COL16A1: variants seen among roughly 807,000 people sequenced by gnomAD.
COL16A1 encodes collagen alpha-1(XVI) chain.
COL16A1 carries 189 observed loss-of-function variants against 266.3 expected under a neutral mutation model. The ratio of observed to expected loss-of-function variants is 0.71; its 90% CI spans 0.63 to 0.80. The LOEUF (loss-of-function observed/expected upper bound fraction) is 0.80, where lower values mean the gene tolerates loss of function less well. Ranked by LOEUF, COL16A1 falls within the 30% of genes least tolerant of loss-of-function variation. COL16A1 has a pLI of 0.00. For missense variants in COL16A1, 1,928 were observed against 2,122.4 expected (o/e 0.91, Z 1.80); for synonymous variants, 740 against 782.3 (o/e 0.95, Z 0.90).
In COL16A1 at chr1:31,652,594, T is replaced by TA; in HGVS notation, c.*56dup. On this transcript the variant is annotated 3_prime_UTR_variant, in exon 71 of 71. Transcript: ENST00000373672. This position sits in a 1 kb window ranked among gnomAD's most constrained non-coding sequence, Gnocchi z 4.8. ...ATTCACAACCTGTCACAGAGTCCTATAAGCTTTGGCCATTTATTCCCAACG... is the reference window on the plus strand; with the variant it reads ...ATTCACAACCTGTCACAGAGTCCTATAAAGCTTTGGCCATTTATTCCCAACG... The TA allele has an allele frequency of 6.7e-7, 1 of 1,491,496 alleles. No homozygotes were observed. Among genetic ancestry groups the TA allele is most frequent in the Non-Finnish European group, 8.9e-7 (1 of 1,120,176 alleles). The allele number at this position is 1,491,496 out of a possible 1,614,324, so 92.4% of individuals were successfully genotyped here. A position where few individuals can be genotyped will look rare whatever the true frequency, so the allele number is the denominator to read the frequency against.
Position 31,668,288 on chromosome 1 carries a change from T to C in COL16A1, c.3250-70A>G. On this transcript the variant is annotated intron_variant, in intron 50 of 70. Coordinates refer to ENST00000373672, the MANE Select transcript of COL16A1 (RefSeq NM_001856.4). The surrounding 1 kb of genome is among the most constrained non-coding windows in gnomAD (Gnocchi z 5.8). ...GTTCTCCCCTCGCTGGGTAAGAGGA[T>C]GGCCAAAGCTAAAACCTCTGGGGCT... The C allele has an allele frequency of 2.0e-6, 3 of 1,531,908 alleles. No individual in the cohort carries two copies. The South Asian group carries it at 3.4e-5, about 17-fold the overall frequency. 94.9% of individuals were successfully genotyped at this position (1,531,908 alleles called of 1,614,324 possible).
chr1:31,668,830 G>C lies in COL16A1; in HGVS notation c.3221C>G (p.Thr1074Arg). The C allele has an allele frequency of 1.9e-6, 3 of 1,613,706 alleles. No individual in the cohort carries two copies. The highest frequency in any genetic ancestry group is 2.5e-6 in the Non-Finnish European group (3 of 1,179,898). Residue 1074 changes from threonine (T) to arginine (R), a missense_variant, in exon 50 of 71, where the codon ACG (threonine) becomes AGG (arginine). By Grantham distance (71) the Thr-to-Arg change is moderately conservative. Transcript: ENST00000373672. The surrounding 1 kb of genome is among the most constrained non-coding windows in gnomAD (Gnocchi z 5.8). ...CTCCCCCTTGTCTCCAGTCAGGCCC[G>C]TGAGACCTCGCTCTCCTTGAAGGCC... is the stretch of plus-strand genomic sequence containing the variant. ...LPGLQGERGL[T>R]GLTGDKGEPG...
Position 31,672,757 on chromosome 1 carries a change from G to GC in COL16A1, c.2942_2943insG (p.Ile981MetfsTer28). On this transcript the variant is annotated frameshift_variant, in exon 45 of 71. Transcript: ENST00000373672. LOFTEE classifies it high-confidence loss of function. ...AGTTGTCGAGGCCTGGCACACCAGG[G>GC]ATGCCCTGGTCTCCCTTCTCTCCCT... 1 of 1,614,174 alleles carries GC rather than the reference G, an allele frequency of 6.2e-7. No homozygotes were observed. Among genetic ancestry groups the GC allele is most frequent in the Non-Finnish European group, 8.5e-7 (1 of 1,179,992 alleles).
In COL16A1 at chr1:31,699,721, C is replaced by A. The variant is rs1238943094; in HGVS notation, c.266+92G>T. 1.1e-5 allele frequency: 9 copies of A among 839,572 alleles called. No homozygotes were observed. In the African/African-American group the frequency reaches 1.5e-4, roughly 14 times the overall value. 52.0% of individuals were successfully genotyped at this position (839,572 alleles called of 1,614,324 possible). On this transcript the variant is annotated intron_variant, in intron 4 of 70. Transcript: ENST00000373672. ...GGGCTGGGATGCAATGACCCACAGA[C>A]AGGCCCCTGGGCTTAAGCCCCACAT...
At chr1:31,662,952 T>G (rs1641823118) in intron 56 of COL16A1, 7 of 517,840 alleles carry the variant, frequency 1.4e-5, no homozygotes, top group Non-Finnish European at 2.4e-5. Context: ...CTCAGTAGCA[T>G]GTGCTGAACT....
In COL16A1 at chr1:31,683,625, T is replaced by C. The variant is rs1003172991; in HGVS notation, c.2379+82A>G. 17 of 1,611,884 alleles carry C rather than the reference T, an allele frequency of 1.1e-5. No homozygotes were observed. In the Admixed American group the frequency reaches 2.5e-4, roughly 24 times the overall value. ...GTGCCTCTGGGGGCAGGCAGAGCCC[T>C]GAAGTTTGGGAGTGGATGGAAGTAG... On this transcript the variant is annotated intron_variant, in intron 34 of 70. Coordinates refer to ENST00000373672, the MANE Select transcript of COL16A1 (RefSeq NM_001856.4).
intron 64 of COL16A1, 43 bp downstream of exon 64, chr1:31,658,445 G>T: frequency 1.3e-6 from 2 of 1,508,972 alleles, no homozygotes; most frequent in Non-Finnish European, 1.8e-6. Context: ...TGAGCCAATT[G>T]ACTCTTTCCC....
At chr1:31,690,235 G>T in intron 22 of COL16A1, 132 bp downstream of exon 22, 1 of 1,404,856 alleles carries the variant, frequency 7.1e-7, no homozygotes, top group Non-Finnish European at 9.7e-7. Flanking sequence ...ATGGACATCA[G>T]AGGAAGAACG....
rs1279820828 is a variant in COL16A1 at position 31,698,415 on chromosome 1, A to G, written c.390+68T>C. On this transcript the variant is annotated intron_variant, in intron 5 of 70. Transcript: ENST00000373672. This position sits in a 1 kb window ranked among gnomAD's most constrained non-coding sequence, Gnocchi z 4.1. ...GAGACCCCAGAAGTCACAAGCCGGG[A>G]TGAAAGGTGGGCTGGACTGGTGCTA... 1.3e-6 allele frequency: 2 copies of G among 1,599,564 alleles called. No individual in the cohort carries two copies. The highest frequency in any genetic ancestry group is 1.7e-5 in the Admixed American group (1 of 59,290).
intron 56 of COL16A1, chr1:31,662,862 C>T (rs1229541718): frequency 3.3e-6 from 2 of 604,414 alleles, no homozygotes; most frequent in East Asian, 5.5e-5. Context: ...ATCTGCAAAG[C>T]ATCCCCTTTC....
intron 23 of COL16A1, chr1:31,689,415 C>G (rs974891586): frequency 1.1e-4 from 64 of 563,796 alleles, no homozygotes; most frequent in Non-Finnish European, 1.9e-5. Flanking sequence ...CACTCCTTTC[C>G]TCCACCCCCA....
chr1:31,689,336 T>G, intron 23 of COL16A1: 1 of 620,840 alleles, frequency 1.6e-6, no homozygotes, highest in South Asian at 2.1e-5. Context: ...AATCACCTTT[T>G]TGTCTGACAG....
At position 31,656,212 on chromosome 1, in the gene COL16A1, TC is replaced by T. The variant is rs917456933; in HGVS notation, c.4101+187del. On this transcript the variant is annotated intron_variant, in intron 66 of 70. Transcript: ENST00000373672. This position sits in a 1 kb window ranked among gnomAD's most constrained non-coding sequence, Gnocchi z 4.2. Reference sequence around the variant, plus strand: ...TGAGTAAATGAACTGGAGATTTCCTTCCCCCCAACCACAGCTAATGACCCCA... The same window carrying T: ...TGAGTAAATGAACTGGAGATTTCCTTCCCCCAACCACAGCTAATGACCCCA... 41 of 861,638 alleles carry T rather than the reference TC, an allele frequency of 4.8e-5. No individual in the cohort carries two copies. In the African/African-American group the frequency reaches 7.1e-4, roughly 15 times the overall value. 53.4% of individuals were successfully genotyped at this position (861,638 alleles called of 1,614,324 possible).
chr1:31,668,179 G>A lies in COL16A1; in HGVS notation c.3289C>T (p.Pro1097Ser), dbSNP rs900312207. 2 of 1,612,770 alleles carry A rather than the reference G, an allele frequency of 1.2e-6. No individual in the cohort carries two copies. The highest frequency in any genetic ancestry group is 1.7e-6 in the Non-Finnish European group (2 of 1,179,368). Residue 1097 changes from proline to serine, a missense_variant, in exon 51 of 71, where the codon CCC becomes TCC. Transcript: ENST00000373672. The surrounding 1 kb of genome is among the most constrained non-coding windows in gnomAD (Gnocchi z 5.8). Reference protein sequence around the residue: ...GQPGYPGATGPPGLPGIKGER... With the variant: ...GQPGYPGATGSPGLPGIKGER... ...CCCTTACTCACAGGCAGTCCTGGGGGGCCCGTGGCACCTGGGTAACCTGGT... is the reference window on the plus strand; with the variant it reads ...CCCTTACTCACAGGCAGTCCTGGGGAGCCCGTGGCACCTGGGTAACCTGGT...
At chr1:31,665,125 C>A in intron 56 of COL16A1, 47 bp downstream of exon 56, 1 of 1,595,880 alleles carries the variant, frequency 6.3e-7, no homozygotes, top group African/African-American at 1.4e-5. Context: ...GGCATGGGAG[C>A]TGCATGGCTC....
At position 31,702,246 on chromosome 1, in the gene COL16A1, G is replaced by A. The variant is rs187867172; in HGVS notation, c.-34-19C>T. 3.4e-4 allele frequency: 552 copies of A among 1,611,948 alleles called. No individual in the cohort carries two copies. In the African/African-American group the frequency reaches 6.5e-3, roughly 19 times the overall value. On this transcript the variant is annotated intron_variant, in intron 1 of 70. Transcript: ENST00000373672. The stretch of plus-strand genomic sequence containing the variant: ...ACAGCACCTGAAAACCACAGAGACC[G>A]GGAAGGCGGATTTCTGAGTTCACAC...
chr1:31,687,078 C>A (rs1644013527), intron 26 of COL16A1, among the ~76,000 whole-genome samples: 2 of 152,144 alleles, frequency 1.3e-5, no homozygotes, highest in Non-Finnish European at 2.9e-5. Flanking sequence ...TTCTACAAAG[C>A]CACATTAAAC....
chr1:31,653,695 A>T lies in COL16A1; in HGVS notation c.4535-19T>A, dbSNP rs1204579432. On this transcript the variant is annotated intron_variant, in intron 69 of 70. Coordinates refer to ENST00000373672, the MANE Select transcript of COL16A1 (RefSeq NM_001856.4). ...GGCAATCCTGGAACAAAAGAAATAA[A>T]TAAGTCCTATCCCTGAGCAGAAAAA... 2 of 1,610,862 alleles carry T rather than the reference A, an allele frequency of 1.2e-6. No individual in the cohort carries two copies. Among genetic ancestry groups the T allele is most frequent in the South Asian group, 1.1e-5 (1 of 90,782 alleles).
Position 31,704,007 on chromosome 1 carries a change from T to A in COL16A1, c.-205A>T, listed in dbSNP as rs1368078477. Reference sequence around the variant, plus strand: ...GGCTGTCTGCTGCCCGGCGCACGCCTGCCGGGGACTGCCGGCCACTCCGGG... The same window carrying A: ...GGCTGTCTGCTGCCCGGCGCACGCCAGCCGGGGACTGCCGGCCACTCCGGG... On this transcript the variant is annotated 5_prime_UTR_variant, in exon 1 of 71. Coordinates refer to ENST00000373672, the MANE Select transcript of COL16A1 (RefSeq NM_001856.4). 6.6e-6 allele frequency: 1 copy of A among 152,396 alleles called. No individual in the cohort carries two copies. Among genetic ancestry groups the A allele is most frequent in the Non-Finnish European group, 1.5e-5 (1 of 68,202 alleles). The allele number at this position is 152,396 out of a possible 1,614,324, so 9.4% of individuals were successfully genotyped here.
Sources: allele counts gnomAD v4.1 joint callset (sites outside exome capture counted in the v4.1 genomes callset), GRCh38; gene constraint gnomAD v4.1.1; non-coding constraint Gnocchi (gnomAD v3.1); transcripts MANE v1.5; gene names NCBI Gene and HGNC (gene_info 2026-07-23, HGNC 2026-07-21).